TBC1D22A: variants seen among roughly 807,000 people sequenced by gnomAD.
The protein encoded by TBC1D22A is putative GTPase activator.
In TBC1D22A, 38 loss-of-function variants were observed where a neutral mutation model predicts 60.2. The observed-to-expected ratio is 0.63, with a 90% CI of 0.49 to 0.83. The LOEUF (loss-of-function observed/expected upper bound fraction) is 0.83, where lower values mean the gene tolerates loss of function less well. Ranked by LOEUF, TBC1D22A falls within the 40% of genes least tolerant of loss-of-function variation. TBC1D22A has a pLI of 0.00. For missense variants in TBC1D22A, 628 were observed against 701.0 expected, an observed-to-expected ratio of 0.90 and a Z score of 1.18; for synonymous variants, 302 against 281.7, an observed-to-expected ratio of 1.07 and a Z score of -0.72.
At chr22:46,939,172 G>C (rs978564925) in intron 8 of TBC1D22A, among the ~76,000 whole-genome samples, 1 of 152,080 alleles carries the variant, frequency 6.6e-6, no homozygotes, top group Non-Finnish European at 1.5e-5. Context: ...GGCAGAGGAA[G>C]ACATTTCACC....
At chr22:47,000,477 C>T (rs1176068664) in intron 10 of TBC1D22A, among the ~76,000 whole-genome samples, 1 of 152,178 alleles carries the variant, frequency 6.6e-6, no homozygotes, top group Non-Finnish European at 1.5e-5. Flanking sequence ...TAAAAGTCTG[C>T]CGTGGAGACA....
At chr22:47,108,919 T>A (rs1343186905) in intron 11 of TBC1D22A, among the ~76,000 whole-genome samples, 1 of 152,170 alleles carries the variant, frequency 6.6e-6, no homozygotes, top group African/African-American at 2.4e-5. Flanking sequence ...ATGGTCTTGA[T>A]CTCCTGACCT....
At position 46,909,029 on chromosome 22, in the gene TBC1D22A, C is replaced by T. The variant is rs555795330; in HGVS notation, c.901-3045C>T. Among the ~76,000 whole-genome samples, 233 of 152,286 alleles carry T rather than the reference C, an allele frequency of 1.5e-3. 1 individual carries two copies. Among genetic ancestry groups the T allele is most frequent in the South Asian group, 5.8e-3 (28 of 4,812 alleles). Reference sequence around the variant, plus strand: ...AGCCTGTTTCATGGTCCACAGAGCCCGGGAGCTTGTTGTGCCGAGAGGACT... The same window carrying T: ...AGCCTGTTTCATGGTCCACAGAGCCTGGGAGCTTGTTGTGCCGAGAGGACT... On this transcript the variant is annotated intron_variant, in intron 7 of 12. Transcript: ENST00000337137.
At chr22:46,781,434 C>T (rs532564080) in intron 1 of TBC1D22A, among the ~76,000 whole-genome samples, 17 of 152,308 alleles carry the variant, frequency 1.1e-4, no homozygotes, top group African/African-American at 4.1e-4. Context: ...CCTTGGCCTC[C>T]CGAAGTGCTG....
chr22:46,781,662 T>G (rs1474397560), intron 1 of TBC1D22A, among the ~76,000 whole-genome samples: 2 of 152,178 alleles, frequency 1.3e-5, no homozygotes, highest in Non-Finnish European at 2.9e-5. Flanking sequence ...GGGGGTCTTC[T>G]CCAGGGCACA....
intron 8 of TBC1D22A, among the ~76,000 whole-genome samples, chr22:46,951,970 T>G (rs2072930622): frequency 6.6e-6 from 1 of 152,172 alleles, no homozygotes; most frequent in South Asian, 2.1e-4. Flanking sequence ...AATGATCACA[T>G]TAAGAGCAGA....
chr22:46,798,688 C>T (rs1190960528), intron 4 of TBC1D22A, among the ~76,000 whole-genome samples: 1 of 152,242 alleles, frequency 6.6e-6, no homozygotes. Flanking sequence ...GAGATTGCTT[C>T]ATTGAGGGGA....
intron 11 of TBC1D22A, among the ~76,000 whole-genome samples, chr22:47,089,166 G>T (rs914092369): frequency 6.6e-6 from 1 of 152,182 alleles, no homozygotes; most frequent in Admixed American, 6.5e-5. Flanking sequence ...TGAGAACAAA[G>T]TGACAGCAGA....
At chr22:47,141,130 G>T (rs1245239183) in intron 12 of TBC1D22A, among the ~76,000 whole-genome samples, 1 of 152,188 alleles carries the variant, frequency 6.6e-6, no homozygotes, top group Non-Finnish European at 1.5e-5. Flanking sequence ...GCAGGCAAGC[G>T]AGCATGTGCA....
chr22:47,139,334 CA>C (rs1215118987), intron 12 of TBC1D22A, among the ~76,000 whole-genome samples: 2 of 152,232 alleles, frequency 1.3e-5, no homozygotes, highest in Non-Finnish European at 2.9e-5. Flanking sequence ...ACACAAGCCA[CA>C]GGTGCTGACG....
At position 47,094,829 on chromosome 22, in the gene TBC1D22A, A is replaced by C. The variant is rs1175227824; in HGVS notation, c.1330-16679A>C. On this transcript the variant is annotated intron_variant, in intron 11 of 12. Coordinates refer to ENST00000337137, the MANE Select transcript of TBC1D22A (RefSeq NM_014346.5). ...ATTCCCTTCCCCTGATCAGCCCCCG[A>C]GGCTGTAGAGAGGAGAACCCGTCCT... Among the ~76,000 whole-genome samples the C allele has an allele frequency of 2.0e-5, 3 of 152,076 alleles. No individual in the cohort carries two copies. The East Asian group carries it at 5.8e-4, about 29-fold the overall frequency.
At chr22:46,958,517 T>C (rs2073331517) in intron 8 of TBC1D22A, among the ~76,000 whole-genome samples, 1 of 152,246 alleles carries the variant, frequency 6.6e-6, no homozygotes, top group South Asian at 2.1e-4. Flanking sequence ...CTGGGAGTCC[T>C]GGCCAGTTCC....
At chr22:47,086,930 C>T (rs190199749) in intron 11 of TBC1D22A, among the ~76,000 whole-genome samples, 5 of 152,334 alleles carry the variant, frequency 3.3e-5, no homozygotes, top group Admixed American at 3.3e-4. Context: ...TTTGCAGTAG[C>T]AAAAGATAGA....
intron 9 of TBC1D22A, among the ~76,000 whole-genome samples, chr22:46,995,758 G>A (rs536540271): frequency 3.3e-5 from 5 of 152,160 alleles, no homozygotes; most frequent in Non-Finnish European, 7.4e-5. Flanking sequence ...CTCCACCTGC[G>A]GATTCTGTGA....
At chr22:46,862,465 G>A (rs992998275) in intron 4 of TBC1D22A, among the ~76,000 whole-genome samples, 2 of 152,176 alleles carry the variant, frequency 1.3e-5, no homozygotes, top group African/African-American at 2.4e-5. Flanking sequence ...TCTGTTCTCA[G>A]GGCATGTATG....
intron 8 of TBC1D22A, among the ~76,000 whole-genome samples, chr22:46,913,171 T>G (rs2070080216): frequency 6.6e-6 from 1 of 152,204 alleles, no homozygotes; most frequent in Non-Finnish European, 1.5e-5. Flanking sequence ...CCTCTGATAA[T>G]AAAAGTGAGG....
chr22:46,772,977 A>G (rs928803258), intron 1 of TBC1D22A, among the ~76,000 whole-genome samples: 4 of 152,208 alleles, frequency 2.6e-5, no homozygotes, highest in Non-Finnish European at 5.9e-5. Context: ...TTTGTGTTGA[A>G]AAGAAGTCAT....
chr22:46,885,351 G>T (rs918321186), intron 5 of TBC1D22A, among the ~76,000 whole-genome samples: 2 of 152,062 alleles, frequency 1.3e-5, no homozygotes, highest in Non-Finnish European at 2.9e-5. Context: ...TGTGACTCTG[G>T]GCACATTAAC....
chr22:46,802,321 A>G (rs2084933202), intron 4 of TBC1D22A, among the ~76,000 whole-genome samples: 1 of 152,220 alleles, frequency 6.6e-6, no homozygotes, highest in Admixed American at 6.5e-5. Flanking sequence ...GAAGGCAGGA[A>G]GCATATAGGG....
Sources: gnomAD v4.1 joint callset for allele counts (sites outside exome capture counted in the v4.1 genomes callset) on GRCh38, gnomAD v4.1.1 for gene constraint, MANE v1.5 for transcripts, NCBI Gene and HGNC (gene_info 2026-07-23, HGNC 2026-07-21) for gene names.